The following ZBED4 variants were observed in gnomAD, a reference collection of about 807,000 sequenced individuals.
ZBED4 encodes zinc finger BED-type containing 4, also known as zinc finger BED domain-containing protein 4.
ZBED4 carries 4 observed loss-of-function variants against 15.5 expected under a neutral mutation model. The ratio of observed to expected loss-of-function variants is 0.26; its 90% CI spans 0.13 to 0.59. ZBED4 has a LOEUF of 0.59. Ranked by LOEUF, ZBED4 falls within the 20% of genes least tolerant of loss-of-function variation. The pLI, the probability that ZBED4 is intolerant of heterozygous loss-of-function variation, is 0.90. For synonymous variants in ZBED4, 692 were observed against 608.5 expected (o/e 1.14, Z -2.02); for missense variants, 1,323 against 1,461.8 (o/e 0.91, Z 1.55).
At chr22:49,857,243 C>T (rs1021260513) in intron 1 of ZBED4, among the ~76,000 whole-genome samples, 2 of 152,230 alleles carry the variant, frequency 1.3e-5, no homozygotes, top group Non-Finnish European at 2.9e-5. Context: ...AAGTGAGAGA[C>T]TCCCCAGCAG....
At chr22:49,864,281 A>T (rs1004919816) in intron 1 of ZBED4, among the ~76,000 whole-genome samples, 6 of 152,244 alleles carry the variant, frequency 3.9e-5, no homozygotes, top group Non-Finnish European at 8.8e-5. Flanking sequence ...AATATCGCAT[A>T]ATGTCTCATC....
chr22:49,854,921 C>T (rs370288771), intron 1 of ZBED4, among the ~76,000 whole-genome samples: 13 of 152,300 alleles, frequency 8.5e-5, no homozygotes, highest in South Asian at 4.1e-4. Context: ...ACTTTTTACA[C>T]AGAAATGTTT....
chr22:49,881,072 G>A (rs1297580453), intron 1 of ZBED4, among the ~76,000 whole-genome samples: 2 of 152,192 alleles, frequency 1.3e-5, no homozygotes, highest in Admixed American at 6.5e-5. Flanking sequence ...CTGGCCAGGC[G>A]CAGTGGCTCA....
At chr22:49,877,620 T>C (rs764903734) in intron 1 of ZBED4, among the ~76,000 whole-genome samples, 5 of 152,094 alleles carry the variant, frequency 3.3e-5, no homozygotes, top group Non-Finnish European at 7.4e-5. Flanking sequence ...TGGGTATAAT[T>C]GATATACAAT....
At position 49,886,109 on chromosome 22, in the gene ZBED4, C is replaced by T. The variant is rs762832757; in HGVS notation, c.2447C>T (p.Thr816Met). ...ACCGACAACGCCAGCATCGGGAAGACGCTGAACGAGGGGGAGCACTCGAGC... is the reference window on the plus strand; with the variant it reads ...ACCGACAACGCCAGCATCGGGAAGATGCTGAACGAGGGGGAGCACTCGAGC... ...TVTDNASIGK[T>M]LNEGEHSSVQ... The change falls in exon 2 of 2, where the codon ACG becomes ATG. Residue 816 changes from threonine to methionine, a missense_variant. By Grantham distance (81) the Thr-to-Met change is moderately conservative. Coordinates refer to ENST00000216268, the MANE Select transcript of ZBED4 (RefSeq NM_014838.3). The surrounding 1 kb of genome is among the most constrained non-coding windows in gnomAD (Gnocchi z 7.7). 17 of 681,566 alleles carry T rather than the reference C, an allele frequency of 2.5e-5. No homozygotes were observed. The highest frequency in any genetic ancestry group is 2.5e-4 in the Middle Eastern group (1 of 3,982). The allele number at this position is 681,566 out of a possible 1,614,324, so 42.2% of individuals were successfully genotyped here. A position where few individuals can be genotyped will look rare whatever the true frequency, so the allele number is the denominator to read the frequency against.
intron 1 of ZBED4, among the ~76,000 whole-genome samples, chr22:49,864,950 C>T (rs28730924): frequency 1.3e-5 from 1 of 74,736 alleles, no homozygotes; most frequent in Non-Finnish European, 2.1e-5. Flanking sequence ...CCCCCCCCCC[C>T]CCGTGAAGTC....
rs1601803141 is a variant in ZBED4 at position 49,884,473 on chromosome 22, G to A, written c.811G>A (p.Ala271Thr). The A allele has an allele frequency of 1.2e-6, 2 of 1,614,214 alleles. No individual in the cohort carries two copies. The highest frequency in any genetic ancestry group is 8.5e-7 in the Non-Finnish European group (1 of 1,180,044). ...LHYDEPAENL[A>T]EKSLPLPKST... ...TTACGATGAACCTGCAGAGAACTTA[G>A]CGGAGAAGAGCCTTCCACTTCCAAA... The change falls in exon 2 of 2, where the codon GCG (alanine) becomes ACG (threonine). Residue 271 changes from alanine (A) to threonine (T), a missense_variant. This residue lies in a region of ZBED4 where 380 missense variants were observed against 413.7 expected (regional missense o/e 0.92). Transcript: ENST00000216268.
At position 49,854,390 on chromosome 22, in the gene ZBED4, G is replaced by A. The variant is rs1416074366; in HGVS notation, c.-330+401G>A. Among the ~76,000 whole-genome samples the A allele has an allele frequency of 3.3e-5, 5 of 152,102 alleles. No homozygotes were observed. The East Asian group carries it at 9.7e-4, about 29-fold the overall frequency. The stretch of plus-strand genomic sequence containing the variant: ...CGAGCCCCGTCCCTGGGACTTCTCT[G>A]GACGTGTCATTCCCGTCCCACCTCC... On this transcript the variant is annotated intron_variant, in intron 1 of 1. Transcript: ENST00000216268.
chr22:49,861,274 T>C (rs2060296147), intron 1 of ZBED4, among the ~76,000 whole-genome samples: 1 of 151,976 alleles, frequency 6.6e-6, no homozygotes, highest in Admixed American at 6.6e-5. Flanking sequence ...CCTGAGTAGC[T>C]GGGACTACAG....
chr22:49,862,091 A>C (rs2147504608), intron 1 of ZBED4, among the ~76,000 whole-genome samples: 1 of 152,284 alleles, frequency 6.6e-6, no homozygotes, highest in South Asian at 2.1e-4. Context: ...CTTCAATCTG[A>C]ATGTGAAAAA....
At chr22:49,873,292 G>C (rs1276910522) in intron 1 of ZBED4, among the ~76,000 whole-genome samples, 1 of 152,204 alleles carries the variant, frequency 6.6e-6, no homozygotes, top group Non-Finnish European at 1.5e-5. Flanking sequence ...TGAACATGTA[G>C]AGGATTAATC....
At position 49,885,938 on chromosome 22, in the gene ZBED4, C is replaced by T. The variant is rs200803188; in HGVS notation, c.2276C>T (p.Pro759Leu). 4.0e-5 allele frequency: 31 copies of T among 783,398 alleles called. No individual in the cohort carries two copies. The highest frequency in any genetic ancestry group is 1.7e-4 in the Admixed American group (8 of 48,236). The allele number at this position is 783,398 out of a possible 1,614,324, so 48.5% of individuals were successfully genotyped here. Residue 759 changes from proline to leucine, a missense_variant, in exon 2 of 2, where the codon CCG (proline) becomes CTG (leucine). This residue lies in a region of ZBED4 where 100 missense variants were observed against 79.3 expected (regional missense o/e 1.26). Transcript: ENST00000216268. Reference sequence around the variant, plus strand: ...GTTTCCTTCGAGTCGCCAGCCCGGCCGCGCTGTGACGACCACCACTGCTCG... The same window carrying T: ...GTTTCCTTCGAGTCGCCAGCCCGGCTGCGCTGTGACGACCACCACTGCTCG... ...HWVSFESPARPRCDDHHCSAL... is the reference protein window; with the variant it reads ...HWVSFESPARLRCDDHHCSAL...
chr22:49,880,956 G>C (rs558619196), intron 1 of ZBED4, among the ~76,000 whole-genome samples: 1 of 152,268 alleles, frequency 6.6e-6, no homozygotes, highest in Admixed American at 6.5e-5. Flanking sequence ...CTGTATACTT[G>C]TGTACCTGTA....
At chr22:49,861,756 T>C (rs2060298198) in intron 1 of ZBED4, among the ~76,000 whole-genome samples, 1 of 152,236 alleles carries the variant, frequency 6.6e-6, no homozygotes, top group South Asian at 2.1e-4. Context: ...CTGGTTTTTC[T>C]GCTCAGCACA....
intron 1 of ZBED4, among the ~76,000 whole-genome samples, chr22:49,859,585 G>A (rs1201575255): frequency 2.6e-5 from 4 of 152,176 alleles, no homozygotes; most frequent in East Asian, 1.9e-4. Context: ...TCTGGACACC[G>A]AGGTCCAGGC....
intron 1 of ZBED4, among the ~76,000 whole-genome samples, chr22:49,874,500 C>T (rs779839535): frequency 4.6e-5 from 7 of 151,250 alleles, no homozygotes; most frequent in Non-Finnish European, 7.4e-5. Context: ...ATTCTCCTGC[C>T]TCAGCGTCCC....
Position 49,885,724 on chromosome 22 carries a change from T to C in ZBED4, c.2062T>C (p.Leu688=). The stretch of plus-strand genomic sequence containing the variant: ...TGGCTTTAACAGGCTGCTTGAATAC[T>C]TGAAACCTCAGTACTCCCTCCCCGC... The part of the protein sequence containing the change: ...NVGFNRLLEY[L]KPQYSLPAPS... The change falls in exon 2 of 2, where the codon TTG becomes CTG. Residue 688 remains leucine (L), a synonymous_variant. Coordinates refer to ENST00000216268, the MANE Select transcript of ZBED4 (RefSeq NM_014838.3). The C allele has an allele frequency of 6.2e-7, 1 of 1,606,962 alleles. No individual in the cohort carries two copies.
chr22:49,886,543 G>A lies in ZBED4; in HGVS notation c.2881G>A (p.Val961Ile). The A allele has an allele frequency of 5.1e-6, 8 of 1,566,490 alleles. No homozygotes were observed. Among genetic ancestry groups the A allele is most frequent in the Non-Finnish European group, 6.9e-6 (8 of 1,155,908 alleles). The stretch of plus-strand genomic sequence containing the variant: ...CACCCTCAGCCAGGTCATCCCCATG[G>A]TACACATCCTCAACAGGAAGGTGGA... Reference protein sequence around the residue: ...MSTLSQVIPMVHILNRKVEML... With the variant: ...MSTLSQVIPMIHILNRKVEML... The change falls in exon 2 of 2, where the codon GTA (valine) becomes ATA (isoleucine). Residue 961 changes from valine to isoleucine, a missense_variant. Physicochemically the swap from Val to Ile is conservative, Grantham distance 29. Coordinates refer to ENST00000216268, the MANE Select transcript of ZBED4 (RefSeq NM_014838.3). The surrounding 1 kb of genome is among the most constrained non-coding windows in gnomAD (Gnocchi z 7.7).
chr22:49,877,109 A>G (rs2060380382), intron 1 of ZBED4, among the ~76,000 whole-genome samples: 1 of 152,150 alleles, frequency 6.6e-6, no homozygotes, highest in South Asian at 2.1e-4. Context: ...GAACGCTGGC[A>G]GTGAGCTGCA....
Sources: gnomAD v4.1 joint callset for allele counts (sites outside exome capture counted in the v4.1 genomes callset) on GRCh38, gnomAD v4.1.1 for gene constraint, gnomAD v4.1.1 regional missense constraint, Gnocchi (gnomAD v3.1) non-coding constraint, MANE v1.5 for transcripts, NCBI Gene and HGNC (gene_info 2026-07-23, HGNC 2026-07-21) for gene names.